The following SPATA13 variants were observed in gnomAD, a reference collection of about 807,000 sequenced individuals.
The protein encoded by SPATA13 is spermatogenesis associated 13.
Under a neutral mutation model 104.0 loss-of-function variants are expected in SPATA13, and 50 were observed. The ratio of observed to expected loss-of-function variants is 0.48; its 90% CI spans 0.38 to 0.61. The LOEUF (loss-of-function observed/expected upper bound fraction) is 0.61, where lower values mean the gene tolerates loss of function less well. SPATA13 is among the 20% of genes least tolerant of loss of function. The probability of loss-of-function intolerance (pLI) is 0.00; values close to 1 mark genes in which losing one functional copy is unlikely to be tolerated. For synonymous variants in SPATA13, 606 were observed against 667.5 expected (o/e 0.91, Z 1.42); for missense variants, 1,524 against 1,690.6 (o/e 0.90, Z 1.73).
chr13:24,091,703 A>C (rs1879916810), intron 3 of SPATA13, among the ~76,000 whole-genome samples: 1 of 152,128 alleles, frequency 6.6e-6, no homozygotes, highest in African/African-American at 2.4e-5. Context: ...CCCAGGTACT[A>C]AGGAGGCTGA....
intron 4 of SPATA13, among the ~76,000 whole-genome samples, chr13:24,268,405 A>G (rs1874392004): frequency 6.6e-6 from 1 of 152,246 alleles, no homozygotes; most frequent in African/African-American, 2.4e-5. Flanking sequence ...ATATGCCTGT[A>G]TTGAATGAAT....
At chr13:24,139,727 A>G (rs1360713632) in intron 3 of SPATA13, among the ~76,000 whole-genome samples, 1 of 152,186 alleles carries the variant, frequency 6.6e-6, no homozygotes, top group Non-Finnish European at 1.5e-5. Flanking sequence ...TAGCTACATG[A>G]TGTAGAACGA....
In SPATA13 at chr13:24,190,038, ATAT is replaced by A. The variant is rs1172629388; in HGVS notation, c.-112+29113_-112+29115del. 6.3e-5 allele frequency among the ~76,000 whole-genome samples: 6 copies of A among 95,966 alleles called. 3 individuals are homozygous for A. Among genetic ancestry groups the A allele is most frequent in the African/African-American group, 1.1e-4 (2 of 17,544 alleles). 63.0% of individuals were successfully genotyped at this position (95,966 alleles called of 152,430 possible). A position where few individuals can be genotyped will look rare whatever the true frequency, so the allele number is the denominator to read the frequency against. On this transcript the variant is annotated intron_variant, in intron 1 of 12. Transcript: ENST00000382108. ...TATATAACATAATGATATACAATAT[ATAT>A]TATTATATAACATATAATGATATAC...
At chr13:24,282,567 G>A (rs369880147) in intron 4 of SPATA13, among the ~76,000 whole-genome samples, 22 of 148,302 alleles carry the variant, frequency 1.5e-4, no homozygotes, top group African/African-American at 5.1e-4. Flanking sequence ...CTCAGTTCCT[G>A]ATGCCATTTC....
At chr13:24,153,607 G>A (rs1212268903) in intron 3 of SPATA13, among the ~76,000 whole-genome samples, 2 of 152,120 alleles carry the variant, frequency 1.3e-5, no homozygotes, top group African/African-American at 4.8e-5. Context: ...ACGCTGCAAG[G>A]AAAACTGTAG....
At chr13:24,189,576 C>T (rs1869389663) in intron 1 of SPATA13, among the ~76,000 whole-genome samples, 1 of 121,806 alleles carries the variant, frequency 8.2e-6, no homozygotes, top group East Asian at 2.2e-4. Flanking sequence ...TACATACATA[C>T]TATGTATGTA....
intron 3 of SPATA13, among the ~76,000 whole-genome samples, chr13:24,089,313 C>A (rs7982553): frequency 0.08 from 12,158 of 152,114 alleles, 1,492 homozygotes; most frequent in African/African-American, 0.27. Flanking sequence ...TGGGACCCCC[C>A]CACACACCAC....
intron 3 of SPATA13, among the ~76,000 whole-genome samples, chr13:24,019,693 A>G (rs1876886992): frequency 6.6e-6 from 1 of 152,198 alleles, no homozygotes; most frequent in African/African-American, 2.4e-5. Flanking sequence ...ATTTTATTTA[A>G]AAAATAAAAT....
intron 2 of SPATA13, among the ~76,000 whole-genome samples, chr13:23,994,621 G>A (rs1006597999): frequency 3.9e-5 from 6 of 152,226 alleles, no homozygotes; most frequent in African/African-American, 1.2e-4. Context: ...CCACACGTGG[G>A]ACATGTTGAA....
Position 24,165,969 on chromosome 13 carries a change from A to G in SPATA13, c.-112+5037A>G, listed in dbSNP as rs1463627550. 1.3e-5 allele frequency among the ~76,000 whole-genome samples: 2 copies of G among 152,160 alleles called. 1 individual carries two copies. On this transcript the variant is annotated intron_variant, in intron 1 of 12. Transcript: ENST00000382108. Reference sequence around the variant, plus strand: ...TGTTGTGACTCTATAGCTAAAAGAAAAATAGCCTCTGGTTCAGAAATGTGC... The same window carrying G: ...TGTTGTGACTCTATAGCTAAAAGAAGAATAGCCTCTGGTTCAGAAATGTGC...
At chr13:24,049,065 T>G (rs1288571054) in intron 3 of SPATA13, among the ~76,000 whole-genome samples, 1 of 152,174 alleles carries the variant, frequency 6.6e-6, no homozygotes, top group Non-Finnish European at 1.5e-5. Context: ...GGATTAAGGT[T>G]AAAAAGATAA....
intron 1 of SPATA13, among the ~76,000 whole-genome samples, chr13:24,181,079 C>T (rs113940956): frequency 0.012 from 1,888 of 152,058 alleles, 38 homozygotes; most frequent in African/African-American, 0.043. Context: ...CAGAAAAATA[C>T]GGTATAAAAG....
intron 7 of SPATA13, among the ~76,000 whole-genome samples, chr13:24,287,606 A>G (rs1351554852): frequency 6.6e-6 from 1 of 152,244 alleles, no homozygotes; most frequent in East Asian, 1.9e-4. Context: ...ACCCCGCTGC[A>G]TCTAATCACC....
rs150454818 is a variant in SPATA13, at chr13:24,016,441, C to G, written c.-146-1226C>G. Among the ~76,000 whole-genome samples the G allele has an allele frequency of 3.0e-4, 45 of 152,366 alleles. No individual in the cohort carries two copies. The East Asian group carries it at 6.9e-3, about 23-fold the overall frequency. On this transcript the variant is annotated intron_variant, in intron 2 of 14. Transcript: ENST00000424834. ...ATTGACTTCTCACGTTTCTCAAATTCTTGCTGGAAGAATTGGGAGCGTCCT... is the reference window on the plus strand; with the variant it reads ...ATTGACTTCTCACGTTTCTCAAATTGTTGCTGGAAGAATTGGGAGCGTCCT...
Position 24,064,342 on chromosome 13 carries a change from G to C in SPATA13, c.-112+46641G>C, listed in dbSNP as rs1169538846. ...TTAAATGAAGTACAATTAAATCAAT[G>C]GGAGAGCAGTAACCTCACAGTGGAG... On this transcript the variant is annotated intron_variant, in intron 3 of 14. Coordinates refer to the SPATA13 transcript ENST00000424834. 2.0e-5 allele frequency among the ~76,000 whole-genome samples: 3 copies of C among 152,194 alleles called. No homozygotes were observed. In the East Asian group the frequency reaches 5.8e-4, roughly 29 times the overall value.
chr13:24,187,038 G>A (rs1168875957), intron 1 of SPATA13, among the ~76,000 whole-genome samples: 1 of 152,170 alleles, frequency 6.6e-6, no homozygotes, highest in African/African-American at 2.4e-5. Flanking sequence ...CCTTGAGGAG[G>A]ATGTTCCAGC....
At chr13:24,091,151 A>G (rs1267094854) in intron 3 of SPATA13, among the ~76,000 whole-genome samples, 2 of 152,226 alleles carry the variant, frequency 1.3e-5, no homozygotes, top group Non-Finnish European at 2.9e-5. Context: ...TCTAGCACAC[A>G]GTTCACATCT....
At chr13:24,201,599 C>T (rs575257161) in intron 1 of SPATA13, among the ~76,000 whole-genome samples, 1 of 152,258 alleles carries the variant, frequency 6.6e-6, no homozygotes, top group Admixed American at 6.5e-5. Flanking sequence ...TGCCACCACA[C>T]TCAGCTAATT....
intron 3 of SPATA13, among the ~76,000 whole-genome samples, chr13:24,096,448 A>T (rs888607689): frequency 1.3e-5 from 2 of 152,024 alleles, no homozygotes; most frequent in African/African-American, 2.4e-5. Context: ...ATACAAAAAA[A>T]AATAGCTGGG....
Sources: gnomAD v4.1 joint callset for allele counts (sites outside exome capture counted in the v4.1 genomes callset) on GRCh38, gnomAD v4.1.1 for gene constraint, MANE v1.5 for transcripts, NCBI Gene and HGNC (gene_info 2026-07-23, HGNC 2026-07-21) for gene names.